Variants in DYRK4 observed in about 807,000 individuals in gnomAD.
DYRK4 encodes the protein dual specificity tyrosine-phosphorylation-regulated kinase 4.
Under a neutral mutation model 68.3 loss-of-function variants are expected in DYRK4, and 64 were observed. That is an observed-to-expected ratio of 0.94 (90% CI 0.77 to 1.15). The LOEUF (loss-of-function observed/expected upper bound fraction) is 1.15, where lower values mean the gene tolerates loss of function less well. Among genes scored for constraint, DYRK4 ranks in the 50% most tolerant of loss-of-function variants. The pLI, the probability that DYRK4 is intolerant of heterozygous loss-of-function variation, is 0.00. For missense variants in DYRK4, 740 were observed against 764.7 expected, an observed-to-expected ratio of 0.97 and a Z score of 0.38; for synonymous variants, 274 against 289.9, an observed-to-expected ratio of 0.95 and a Z score of 0.56.
chr12:4,576,121 T>C (rs527407748), intron 2 of DYRK4, among the ~76,000 whole-genome samples: 2 of 152,346 alleles, frequency 1.3e-5, no homozygotes, highest in Admixed American at 6.5e-5. Context: ...TCTACTATTA[T>C]AGGATGATAC....
rs546537371 is a variant in DYRK4, at chr12:4,581,105, TA to T, written c.133-7830del. On this transcript the variant is annotated intron_variant, in intron 2 of 14. Transcript: ENST00000543431. ...GGTCTTGGTGTGAGAGGGCAGGACATAATACTCCCCTGTGGTCCTTGGGTAA... is the reference window on the plus strand; with the variant it reads ...GGTCTTGGTGTGAGAGGGCAGGACATATACTCCCCTGTGGTCCTTGGGTAA... 266 of 278,104 alleles carry T rather than the reference TA, an allele frequency of 9.6e-4. 2 individuals are homozygous for T. Among genetic ancestry groups the T allele is most frequent in the African/African-American group, 5.4e-3 (248 of 45,578 alleles). The allele number at this position is 278,104 out of a possible 1,614,324, so 17.2% of individuals were successfully genotyped here.
At chr12:4,581,307 G>A (rs933440428) in intron 2 of DYRK4, among the ~76,000 whole-genome samples, 3 of 152,188 alleles carry the variant, frequency 2.0e-5, no homozygotes, top group African/African-American at 7.2e-5. Context: ...CTGACACAGA[G>A]ATTACATAGT....
chr12:4,581,691 G>C (rs571620567), intron 2 of DYRK4, among the ~76,000 whole-genome samples: 1 of 152,248 alleles, frequency 6.6e-6, no homozygotes, highest in South Asian at 2.1e-4. Context: ...ACAGCCTAGA[G>C]TTGTCTCAGA....
At chr12:4,596,097 A>G in intron 6 of DYRK4, 52 bp from the exon 7 acceptor site, 1 of 1,591,960 alleles carries the variant, frequency 6.3e-7, no homozygotes. Context: ...ATGTACCAGG[A>G]AGGCCTGGGA....
intron 10 of DYRK4, chr12:4,602,079 A>C: frequency 2.3e-6 from 1 of 434,622 alleles, no homozygotes; most frequent in East Asian, 5.0e-5. Context: ...TCTCAAGGGT[A>C]GTTCTTGAAC....
intron 10 of DYRK4, chr12:4,602,938 C>T: frequency 1.2e-6 from 1 of 838,312 alleles, no homozygotes; most frequent in Non-Finnish European, 1.9e-6. Flanking sequence ...GAGGAACTTC[C>T]AGATCAACTA....
intron 10 of DYRK4, chr12:4,603,345 A>C: frequency 1.8e-6 from 1 of 542,144 alleles, no homozygotes; most frequent in South Asian, 3.0e-5. Flanking sequence ...TCATTAGTTA[A>C]CCCCTCCAGG....
intron 10 of DYRK4, chr12:4,603,358 C>A: frequency 2.0e-6 from 1 of 512,110 alleles, no homozygotes; most frequent in Non-Finnish European, 3.6e-6. Context: ...CCTCCAGGTC[C>A]TTTTCAGATT....
rs745629569 is a variant in DYRK4 at position 4,610,145 on chromosome 12, A to G, written c.1361-10A>G. On this transcript the variant is annotated splice_polypyrimidine_tract_variant and intron_variant, in intron 12 of 14. Coordinates refer to ENST00000543431, the MANE Select transcript of DYRK4 (RefSeq NM_001394779.1). ...CCTGAAACTAAATACAGAATGTTCT[A>G]TCTCTACAGATTCCAAAGGTTTTCC... is the stretch of plus-strand genomic sequence containing the variant. 2 of 1,578,544 alleles carry G rather than the reference A, an allele frequency of 1.3e-6. No homozygotes were observed. The highest frequency in any genetic ancestry group is 1.4e-5 in the African/African-American group (1 of 73,050).
intron 4 of DYRK4, chr12:4,590,793 GA>G: frequency 2.6e-6 from 1 of 386,236 alleles, no homozygotes; most frequent in Non-Finnish European, 4.5e-6. Context: ...GGTGCCAACT[GA>G]AAGAGGCGTC....
intron 8 of DYRK4, chr12:4,597,240 C>A: frequency 1.4e-6 from 1 of 732,302 alleles, no homozygotes; most frequent in Non-Finnish European, 1.7e-6. Flanking sequence ...AATATTGGAG[C>A]TGACAAGGCA....
Position 4,596,181 on chromosome 12 carries a change from A to T in DYRK4, c.660A>T (p.Glu220Asp). 1 of 1,614,190 alleles carries T rather than the reference A, an allele frequency of 6.2e-7. No individual in the cohort carries two copies. The highest frequency in any genetic ancestry group is 8.5e-7 in the Non-Finnish European group (1 of 1,180,038). The change falls in exon 7 of 15, where the codon GAA becomes GAT. Residue 220 changes from glutamate to aspartate, a missense_variant. By Grantham distance (45) the Glu-to-Asp change is conservative. Transcript: ENST00000543431. ...ATGATCACATTGCCTACCGCTATGA[A>T]GTTCTGGAGACAATCGGGAAGGGGT... ...VLHDHIAYRY[E>D]VLETIGKGSF...
At chr12:4,568,356 G>A (rs1944697332) in intron 2 of DYRK4, among the ~76,000 whole-genome samples, 1 of 152,064 alleles carries the variant, frequency 6.6e-6, no homozygotes, top group Non-Finnish European at 1.5e-5. Context: ...AATAGTTGAA[G>A]AACGTTTCCA....
Position 4,605,084 on chromosome 12 carries a change from G to C in DYRK4, c.1297G>C (p.Glu433Gln). 1 of 1,610,944 alleles carries C rather than the reference G, an allele frequency of 6.2e-7. No individual in the cohort carries two copies. The highest frequency in any genetic ancestry group is 8.5e-7 in the Non-Finnish European group (1 of 1,178,202). ...NEVEQLACIMEVLGLPPAGFI... is the reference protein window; with the variant it reads ...NEVEQLACIMQVLGLPPAGFI... Reference sequence around the variant, plus strand: ...GGTGGAGCAGCTGGCCTGCATCATGGAGGTACGCGGAGGGCTGGCGGTCGG... The same window carrying C: ...GGTGGAGCAGCTGGCCTGCATCATGCAGGTACGCGGAGGGCTGGCGGTCGG... The change falls in exon 11 of 15, where the codon GAG becomes CAG. Residue 433 changes from glutamate to glutamine, a missense_variant and splice_region_variant. Around this residue, in one of 3 missense-constraint regions of DYRK4, gnomAD observed 614 missense variants for 603.7 expected, o/e 1.02. Coordinates refer to ENST00000543431, the MANE Select transcript of DYRK4 (RefSeq NM_001394779.1).
At chr12:4,573,446 T>C in intron 2 of DYRK4, 4 of 1,255,494 alleles carry the variant, frequency 3.2e-6, no homozygotes, top group Non-Finnish European at 4.2e-6. Flanking sequence ...TTACCTTTGG[T>C]TTCTGTCAAA....
At chr12:4,596,092 C>T (rs1437245873) in intron 6 of DYRK4, 57 bp from the exon 7 acceptor site, 13 of 1,583,892 alleles carry the variant, frequency 8.2e-6, no homozygotes, top group South Asian at 1.1e-5. Flanking sequence ...GGGCCATGTA[C>T]CAGGAAGGCC....
intron 2 of DYRK4, among the ~76,000 whole-genome samples, chr12:4,588,395 G>C (rs1170395083): frequency 6.6e-6 from 1 of 152,154 alleles, no homozygotes; most frequent in Non-Finnish European, 1.5e-5. Context: ...TTCCTCTGCG[G>C]GGTGCTTGCC....
At chr12:4,580,883 G>T (rs535409465) in intron 2 of DYRK4, 16 of 455,978 alleles carry the variant, frequency 3.5e-5, no homozygotes, top group African/African-American at 3.2e-4. Flanking sequence ...GTATGACTGA[G>T]GCGGGATGGT....
chr12:4,576,136 T>G (rs941327780), intron 2 of DYRK4, among the ~76,000 whole-genome samples: 7 of 152,222 alleles, frequency 4.6e-5, no homozygotes, highest in African/African-American at 1.7e-4. Flanking sequence ...TGATACCGGA[T>G]AGTTTCACTG....
Sources: gnomAD v4.1 joint callset for allele counts (sites outside exome capture counted in the v4.1 genomes callset) on GRCh38, gnomAD v4.1.1 for gene constraint, gnomAD v4.1.1 regional missense constraint, MANE v1.5 for transcripts, NCBI Gene and HGNC (gene_info 2026-07-23, HGNC 2026-07-21) for gene names.